The following RYR2 variants were observed in gnomAD, a reference collection of about 807,000 sequenced individuals.
RYR2 encodes ryanodine receptor 2, also known as cardiac muscle ryanodine receptor-calcium release channel.
Under a neutral mutation model 601.1 loss-of-function variants are expected in RYR2, and 227 were observed. The ratio of observed to expected loss-of-function variants is 0.38; its 90% CI spans 0.34 to 0.42. The LOEUF (loss-of-function observed/expected upper bound fraction) is 0.42, where lower values mean the gene tolerates loss of function less well. Ranked by LOEUF, RYR2 falls within the 10% of genes least tolerant of loss-of-function variation. RYR2 has a pLI of 1.00. For missense variants in RYR2, 4,646 were observed against 6,156.5 expected, an observed-to-expected ratio of 0.75 and a Z score of 8.21; for synonymous variants, 2,223 against 2,175.1, an observed-to-expected ratio of 1.02 and a Z score of -0.61.
At chr1:237,349,809 C>A (rs751369081) in intron 3 of RYR2, among the ~76,000 whole-genome samples, 1 of 151,862 alleles carries the variant, frequency 6.6e-6, no homozygotes, top group Non-Finnish European at 1.5e-5. Context: ...GGGAAAAATG[C>A]AATATCAAGA....
chr1:237,440,144 A>C (rs539234822), intron 12 of RYR2, among the ~76,000 whole-genome samples: 6 of 152,248 alleles, frequency 3.9e-5, no homozygotes, highest in South Asian at 2.1e-4. Flanking sequence ...TTGTTTATGG[A>C]GTGTTCATAA....
At chr1:237,372,708 T>C (rs1408683217) in intron 6 of RYR2, among the ~76,000 whole-genome samples, 3 of 152,228 alleles carry the variant, frequency 2.0e-5, no homozygotes, top group Non-Finnish European at 4.4e-5. Flanking sequence ...TCTCTATACA[T>C]AATAGTTGGG....
rs727503406 is a variant in RYR2 at position 237,806,115 on chromosome 1, T to TC, written c.14152-16dup. ...GCGTTCTGTTTTCTGACATGTTCTT[T>TC]CCCCCCGTTTTGTCTTAATAGTCCT... On this transcript the variant is annotated intron_variant, in intron 98 of 104. Transcript: ENST00000366574. 3.1e-4 allele frequency: 491 copies of TC among 1,609,690 alleles called. 5 individuals carry two copies. In the South Asian group the frequency reaches 5.2e-3, roughly 17 times the overall value.
intron 2 of RYR2, among the ~76,000 whole-genome samples, chr1:237,300,226 A>T (rs988066696): frequency 2.0e-5 from 3 of 152,186 alleles, no homozygotes; most frequent in Non-Finnish European, 4.4e-5. Context: ...GACCACCAGG[A>T]AACATCTGAG....
chr1:237,196,505 A>C (rs77055391), intron 1 of RYR2, among the ~76,000 whole-genome samples: 7,490 of 152,196 alleles, frequency 0.049, 640 homozygotes, highest in African/African-American at 0.17. Context: ...TCCACTTAGA[A>C]TTTATTTGGG....
rs188577373 is a variant in RYR2, at chr1:237,482,426, A to G, written c.1709-9380A>G. Among the ~76,000 whole-genome samples, 567 of 152,258 alleles carry G rather than the reference A, an allele frequency of 3.7e-3. 5 individuals carry two copies. Among genetic ancestry groups the G allele is most frequent in the African/African-American group, 0.013 (534 of 41,550 alleles). ...CATGAACTCAAATGTTTTGATTTTT[A>G]GATCTCGCAAATAAGTGAGAACATG... is the stretch of plus-strand genomic sequence containing the variant. On this transcript the variant is annotated intron_variant, in intron 17 of 104. Coordinates refer to ENST00000366574, the MANE Select transcript of RYR2 (RefSeq NM_001035.3).
In RYR2 at chr1:237,207,417, T is replaced by C. The variant is rs575809680; in HGVS notation, c.49-63080T>C. Among the ~76,000 whole-genome samples the C allele has an allele frequency of 5.9e-5, 9 of 152,208 alleles. 1 individual carries two copies. In the East Asian group the frequency reaches 1.2e-3, roughly 20 times the overall value. On this transcript the variant is annotated intron_variant, in intron 1 of 104. Transcript: ENST00000366574. ...CCTGTCTCTATTAAAAATACAAAAA[T>C]TAGCTGGGCATGGTGGTGGGCACCT...
rs1278679578 is a variant in RYR2 at position 237,387,347 on chromosome 1, G to A, written c.643G>A (p.Ala215Thr). The A allele has an allele frequency of 6.2e-7, 1 of 1,613,976 alleles. No homozygotes were observed. Among genetic ancestry groups the A allele is most frequent in the Non-Finnish European group, 8.5e-7 (1 of 1,179,880 alleles). Residue 215 changes from alanine (A) to threonine (T), a missense_variant, in exon 9 of 105, where the codon GCC becomes ACC. Physicochemically the swap from Ala to Thr is moderately conservative, Grantham distance 58 (BLOSUM62 0). Transcript: ENST00000366574. The stretch of plus-strand genomic sequence containing the variant: ...TTTCCAGCAGACTCTCTGGAGCGTG[G>A]CCCCAATCAGCTCAGGAAGTGAGGC... The part of the protein sequence containing the change: ...AAFQQTLWSV[A>T]PISSGSEAAQ...
chr1:237,177,641 T>G (rs1678205573), intron 1 of RYR2, among the ~76,000 whole-genome samples: 2 of 152,216 alleles, frequency 1.3e-5, no homozygotes, highest in African/African-American at 4.8e-5. Flanking sequence ...TCATTTATAT[T>G]CACAAGTATA....
chr1:237,732,044 A>G lies in RYR2; in HGVS notation c.10936-2A>G. 1 of 1,588,060 alleles carries G rather than the reference A, an allele frequency of 6.3e-7. No homozygotes were observed. The stretch of plus-strand genomic sequence containing the variant: ...CATTTTATAAATTTGACTTTTTTGC[A>G]GAAACCTGGGGCTGAACCTCCAGAA... On this transcript the variant is annotated splice_acceptor_variant, in intron 77 of 104. Coordinates refer to ENST00000366574, the MANE Select transcript of RYR2 (RefSeq NM_001035.3). LOFTEE classifies it high-confidence loss of function.
At chr1:237,660,438 A>C (rs2148844377) in intron 55 of RYR2, among the ~76,000 whole-genome samples, 1 of 152,176 alleles carries the variant, frequency 6.6e-6, no homozygotes, top group African/African-American at 2.4e-5. Flanking sequence ...CATATATTTT[A>C]CTTCTTTGGG....
chr1:237,123,814 C>T (rs983437706), intron 1 of RYR2, among the ~76,000 whole-genome samples: 5 of 151,696 alleles, frequency 3.3e-5, no homozygotes, highest in African/African-American at 1.2e-4. Flanking sequence ...ACTACAGGTG[C>T]CCGCCACCGC....
intron 41 of RYR2, among the ~76,000 whole-genome samples, chr1:237,628,786 A>G (rs144849647): frequency 1.3e-5 from 2 of 152,278 alleles, no homozygotes; most frequent in Admixed American, 1.3e-4. Context: ...GGTGTTTAAT[A>G]CATTAAAAAA....
intron 26 of RYR2, among the ~76,000 whole-genome samples, chr1:237,549,760 A>C (rs910930880): frequency 6.6e-6 from 1 of 151,646 alleles, no homozygotes; most frequent in Non-Finnish European, 1.5e-5. Context: ...GACTTGAGCA[A>C]ATACTGCAGC....
At chr1:237,443,606 A>G (rs559351972) in intron 13 of RYR2, among the ~76,000 whole-genome samples, 1 of 152,314 alleles carries the variant, frequency 6.6e-6, no homozygotes, top group African/African-American at 2.4e-5. Context: ...ATTAATTAAT[A>G]TGTTATTCAG....
At chr1:237,153,069 T>G (rs905715376) in intron 1 of RYR2, among the ~76,000 whole-genome samples, 3 of 152,158 alleles carry the variant, frequency 2.0e-5, no homozygotes, top group Non-Finnish European at 4.4e-5. Flanking sequence ...ATCAGATTTG[T>G]GTTTTAAAAA....
At chr1:237,781,361 C>T (rs1695096442) in intron 88 of RYR2, among the ~76,000 whole-genome samples, 2 of 152,174 alleles carry the variant, frequency 1.3e-5, no homozygotes, top group South Asian at 4.1e-4. Flanking sequence ...CCTACAAATA[C>T]TTTAAAGAAC....
At chr1:237,234,847 T>C (rs1227694593) in intron 1 of RYR2, among the ~76,000 whole-genome samples, 2 of 152,204 alleles carry the variant, frequency 1.3e-5, no homozygotes, top group African/African-American at 2.4e-5. Flanking sequence ...AGTTGTTGTA[T>C]GTGGCTTCTG....
chr1:237,687,249 CTCTT>C (rs1358414134), intron 62 of RYR2, among the ~76,000 whole-genome samples: 10 of 151,520 alleles, frequency 6.6e-5, no homozygotes, highest in African/African-American at 2.4e-4. Context: ...CACTCAAAGA[CTCTT>C]TCTTTAATAC....
Sources: allele counts gnomAD v4.1 joint callset (sites outside exome capture counted in the v4.1 genomes callset), GRCh38; gene constraint gnomAD v4.1.1; transcripts MANE v1.5; gene names NCBI Gene and HGNC (gene_info 2026-07-23, HGNC 2026-07-21).